KDM2A: variants seen among roughly 807,000 people sequenced by gnomAD.
KDM2A encodes lysine-specific demethylase 2A.
A neutral mutation model predicts 137.3 loss-of-function variants in KDM2A; 3 were observed. The ratio of observed to expected loss-of-function variants is 0.02; its 90% CI spans 0.01 to 0.06. The LOEUF (loss-of-function observed/expected upper bound fraction) is 0.06. Ranked by LOEUF, KDM2A falls within the 10% of genes least tolerant of loss-of-function variation. The pLI is 1.00. For synonymous variants in KDM2A, 512 were observed against 541.5 expected, an observed-to-expected ratio of 0.95 and a Z score of 0.76; for missense variants, 738 against 1,510.6, an observed-to-expected ratio of 0.49 and a Z score of 8.48.
At chr11:67,144,285 TC>T (rs1158753855) in intron 2 of KDM2A, among the ~76,000 whole-genome samples, 57 of 142,154 alleles carry the variant, frequency 4.0e-4, no homozygotes, top group Middle Eastern at 3.8e-3. Context: ...AGAGTCTCAC[TC>T]TTGTTGCCCA....
rs966958909 is a variant in KDM2A at position 67,120,708 on chromosome 11, G to A, written c.-83-526G>A. 1.6e-4 allele frequency among the ~76,000 whole-genome samples: 25 copies of A among 152,258 alleles called. No individual in the cohort carries two copies. The Middle Eastern group carries it at 0.01, about 62-fold the overall frequency. On this transcript the variant is annotated intron_variant, in intron 1 of 20. Transcript: ENST00000529006. The stretch of plus-strand genomic sequence containing the variant: ...CGGGGAGTCTAGAAAGGAAGGCGAC[G>A]ATTGTGCACGGCCTTACAGGAGGGG...
chr11:67,254,794 G>T lies in KDM2A; in HGVS notation c.3308-80G>T. ...AGGGCTTTTGTTTAGCATTTTGAAG[G>T]AAAGACGGCTACAGGAATTGAATGG... On this transcript the variant is annotated intron_variant, in intron 20 of 20. Coordinates refer to ENST00000529006, the MANE Select transcript of KDM2A (RefSeq NM_012308.3). The surrounding 1 kb of genome is among the most constrained non-coding windows in gnomAD (Gnocchi z 4.7). 7.5e-7 allele frequency: 1 copy of T among 1,341,214 alleles called. No homozygotes were observed. Among genetic ancestry groups the T allele is most frequent in the South Asian group, 1.3e-5 (1 of 76,798 alleles). 83.1% of individuals were successfully genotyped at this position (1,341,214 alleles called of 1,614,324 possible).
At chr11:67,247,469 C>CT (rs1174405502) in intron 15 of KDM2A, among the ~76,000 whole-genome samples, 1 of 136,844 alleles carries the variant, frequency 7.3e-6, no homozygotes, top group African/African-American at 2.6e-5. Context: ...CCTCTGTTGC[C>CT]CAGGCTGGAG....
intron 2 of KDM2A, among the ~76,000 whole-genome samples, chr11:67,166,405 C>T (rs1013839630): frequency 6.6e-6 from 1 of 151,980 alleles, no homozygotes; most frequent in Non-Finnish European, 1.5e-5. Context: ...AGGCTGGTCT[C>T]GAACTCCTGA....
In KDM2A at chr11:67,245,559, G is replaced by T; in HGVS notation, c.1833+101G>T. 7.5e-7 allele frequency: 1 copy of T among 1,336,972 alleles called. No homozygotes were observed. The highest frequency in any genetic ancestry group is 1.0e-6 in the Non-Finnish European group (1 of 973,708). The allele number at this position is 1,336,972 out of a possible 1,614,324, so 82.8% of individuals were successfully genotyped here. A position where few individuals can be genotyped will look rare whatever the true frequency, so the allele number is the denominator to read the frequency against. On this transcript the variant is annotated intron_variant, in intron 14 of 20. Coordinates refer to ENST00000529006, the MANE Select transcript of KDM2A (RefSeq NM_012308.3). This position sits in a 1 kb window ranked among gnomAD's most constrained non-coding sequence, Gnocchi z 4.1. ...GTTAAAGAGACTTCAGAGTTGGAAAGAAAAGGTTTATACTCTCTTTTTGGC... is the reference window on the plus strand; with the variant it reads ...GTTAAAGAGACTTCAGAGTTGGAAATAAAAGGTTTATACTCTCTTTTTGGC...
chr11:67,132,730 T>C lies in KDM2A; in HGVS notation c.42+11372T>C, dbSNP rs142748831. On this transcript the variant is annotated intron_variant, in intron 2 of 20. Coordinates refer to ENST00000529006, the MANE Select transcript of KDM2A (RefSeq NM_012308.3). Reference sequence around the variant, plus strand: ...GAACCCTGAACTCTTAAGGCAGTGGTTTTCAAAGTGTAGGTCTCTCATTAG... The same window carrying C: ...GAACCCTGAACTCTTAAGGCAGTGGCTTTCAAAGTGTAGGTCTCTCATTAG... 6.5e-4 allele frequency among the ~76,000 whole-genome samples: 99 copies of C among 152,288 alleles called. 3 individuals carry two copies. The highest frequency in any genetic ancestry group is 2.2e-3 in the African/African-American group (93 of 41,560).
chr11:67,133,205 T>G (rs1482861221), intron 2 of KDM2A, among the ~76,000 whole-genome samples: 2 of 152,196 alleles, frequency 1.3e-5, no homozygotes, highest in African/African-American at 4.8e-5. Flanking sequence ...GTTCAAGCAC[T>G]TCTCCTGCCT....
intron 9 of KDM2A, among the ~76,000 whole-genome samples, chr11:67,218,249 C>T (rs1043311727): frequency 5.3e-5 from 8 of 152,132 alleles, no homozygotes; most frequent in African/African-American, 1.9e-4. Context: ...GGCTGGAGTG[C>T]TCAGTCAGGG....
intron 18 of KDM2A, 31 bp from the exon 19 acceptor site, chr11:67,253,422 A>G (rs772038098): frequency 1.1e-5 from 17 of 1,600,526 alleles, no homozygotes; most frequent in Admixed American, 3.3e-5. Context: ...GAAACAGTGT[A>G]TTATTACATG....
At chr11:67,123,639 A>G (rs1404033432) in intron 2 of KDM2A, among the ~76,000 whole-genome samples, 2 of 151,184 alleles carry the variant, frequency 1.3e-5, no homozygotes, top group East Asian at 3.9e-4. Context: ...TGCAGTCCAG[A>G]CTTTAAAGGA....
intron 5 of KDM2A, among the ~76,000 whole-genome samples, chr11:67,191,565 A>T (rs1408889949): frequency 6.6e-6 from 1 of 152,254 alleles, no homozygotes; most frequent in Non-Finnish European, 1.5e-5. Flanking sequence ...TATAAATTTC[A>T]TTAACAGTGA....
intron 2 of KDM2A, among the ~76,000 whole-genome samples, chr11:67,153,774 C>G (rs1856450846): frequency 6.7e-6 from 1 of 148,304 alleles, no homozygotes; most frequent in South Asian, 2.2e-4. Context: ...ATAATCACAT[C>G]ACTGCATTCC....
intron 2 of KDM2A, among the ~76,000 whole-genome samples, chr11:67,161,362 C>A (rs1299085221): frequency 1.3e-5 from 2 of 152,104 alleles, no homozygotes; most frequent in Admixed American, 1.3e-4. Flanking sequence ...TCTAGTGTAT[C>A]ACAAATGTTT....
intron 2 of KDM2A, among the ~76,000 whole-genome samples, chr11:67,159,933 A>T (rs1324361982): frequency 2.0e-5 from 3 of 152,210 alleles, no homozygotes; most frequent in Non-Finnish European, 4.4e-5. Flanking sequence ...CGGGAGATGG[A>T]TAGTGGTATT....
At chr11:67,219,543 C>A (rs1241202188) in intron 10 of KDM2A, 140 bp downstream of exon 10, 7 of 416,976 alleles carry the variant, frequency 1.7e-5, no homozygotes, top group Non-Finnish European at 2.5e-5. Context: ...TGGGAACACA[C>A]AAAATTTTAA....
intron 2 of KDM2A, among the ~76,000 whole-genome samples, chr11:67,157,907 TAGTG>T (rs1856553870): frequency 6.6e-6 from 1 of 152,092 alleles, no homozygotes; most frequent in Admixed American, 6.6e-5. Context: ...CTGGGCAACA[TAGTG>T]AGACCCCATC....
rs71056181 is a variant in KDM2A at position 67,169,733 on chromosome 11, T to TTCTCTCTCTCTCTCTC, written c.43-10334_43-10319dup. On this transcript the variant is annotated intron_variant, in intron 2 of 20. Transcript: ENST00000529006. Reference sequence around the variant, plus strand: ...TTTTTTCTTCTCTCTCTCTCTCTCCTTCTCTCTCTCTCTCTCTCTCTCTCT... The same window carrying TTCTCTCTCTCTCTCTC: ...TTTTTTCTTCTCTCTCTCTCTCTCCTTCTCTCTCTCTCTCTCTCTCTCTCTCTCTCTCTCTCTCTCT... 5.4e-5 allele frequency among the ~76,000 whole-genome samples: 5 copies of TTCTCTCTCTCTCTCTC among 92,682 alleles called. No homozygotes were observed. In the East Asian group the frequency reaches 1.4e-3, roughly 26 times the overall value. The allele number at this position is 92,682 out of a possible 152,430, so 60.8% of individuals were successfully genotyped here. A position where few individuals can be genotyped will look rare whatever the true frequency, so the allele number is the denominator to read the frequency against.
At chr11:67,166,306 T>A (rs904381937) in intron 2 of KDM2A, among the ~76,000 whole-genome samples, 3 of 150,596 alleles carry the variant, frequency 2.0e-5, no homozygotes, top group African/African-American at 7.3e-5. Flanking sequence ...TGCCTCAGCC[T>A]CCCAAGTAGC....
At chr11:67,124,862 CTTTT>C in intron 2 of KDM2A, among the ~76,000 whole-genome samples, 1 of 142,568 alleles carries the variant, frequency 7.0e-6, no homozygotes. Context: ...CTTTTTCTTT[CTTTT>C]TTTTTTTTTG....
Sources: gnomAD v4.1 joint callset for allele counts (sites outside exome capture counted in the v4.1 genomes callset) on GRCh38, gnomAD v4.1.1 for gene constraint, Gnocchi (gnomAD v3.1) non-coding constraint, MANE v1.5 for transcripts, NCBI Gene and HGNC (gene_info 2026-07-23, HGNC 2026-07-21) for gene names.